Variants in CALN1 observed in about 807,000 individuals in gnomAD.
CALN1 encodes the protein calneuron 1, also known as calcium-binding protein 8.
CALN1 carries 17 observed loss-of-function variants against 30.6 expected under a neutral mutation model. That is an observed-to-expected ratio of 0.56 (90% confidence interval 0.38 to 0.83). The LOEUF is 0.83. Ranked by LOEUF, CALN1 falls within the 40% of genes least tolerant of loss-of-function variation. The pLI is 0.00. For missense variants in CALN1, 291 were observed against 354.9 expected, an observed-to-expected ratio of 0.82 and a Z score of 1.45; for synonymous variants, 156 against 131.4, an observed-to-expected ratio of 1.19 and a Z score of -1.28.
intron 3 of CALN1, among the ~76,000 whole-genome samples, chr7:72,132,347 T>C (rs1210995955): frequency 6.6e-6 from 1 of 152,156 alleles, no homozygotes; most frequent in African/African-American, 2.4e-5. Flanking sequence ...ATTTCTGCAA[T>C]ACCGTACTGA....
chr7:72,459,458 C>A, the CALN1 span, among the ~76,000 whole-genome samples: 1 of 152,056 alleles, frequency 6.6e-6, no homozygotes, highest in Non-Finnish European at 1.5e-5. Flanking sequence ...CACTGCATAT[C>A]TGCCTGCAGA....
chr7:71,790,122 GAAGAAAGAAGA>G (rs1793235803), intron 6 of CALN1, among the ~76,000 whole-genome samples: 2 of 64,168 alleles, frequency 3.1e-5, no homozygotes, highest in Admixed American at 1.5e-4. Context: ...GAGAGAGAGA[GAAGAAAGAAGA>G]AAGAAGAAAG....
chr7:72,346,403 C>A (rs1174352438), intron 2 of CALN1, among the ~76,000 whole-genome samples: 1 of 152,158 alleles, frequency 6.6e-6, no homozygotes, highest in Non-Finnish European at 1.5e-5. Context: ...AAACACCTAA[C>A]TGAAGGATGA....
chr7:71,940,667 G>A (rs890343417), intron 5 of CALN1, among the ~76,000 whole-genome samples: 1 of 152,118 alleles, frequency 6.6e-6, no homozygotes, highest in Non-Finnish European at 1.5e-5. Context: ...GTAGTGGCAT[G>A]ATCTCAGCTC....
At chr7:71,802,617 C>T (rs1368011159) in intron 6 of CALN1, among the ~76,000 whole-genome samples, 1 of 152,228 alleles carries the variant, frequency 6.6e-6, no homozygotes, top group African/African-American at 2.4e-5. Flanking sequence ...CATGCGCCAC[C>T]ATGCCTGGCT....
At chr7:72,273,065 C>A (rs376938982) in intron 3 of CALN1, among the ~76,000 whole-genome samples, 2 of 151,792 alleles carry the variant, frequency 1.3e-5, no homozygotes, top group African/African-American at 4.8e-5. Flanking sequence ...CACCTCTGCC[C>A]AGAGCCATGG....
At chr7:72,452,080 G>C (rs1167219799), upstream of CALN1, among the ~76,000 whole-genome samples, 1 of 152,216 alleles carries the variant, frequency 6.6e-6, no homozygotes, top group Non-Finnish European at 1.5e-5. Flanking sequence ...CACAGCAAAA[G>C]ACTATGGATA....
At chr7:72,027,730 C>A (rs7789740) in intron 4 of CALN1, among the ~76,000 whole-genome samples, 38 of 108,878 alleles carry the variant, frequency 3.5e-4, no homozygotes, top group East Asian at 8.2e-4. Flanking sequence ...CAAACAAACA[C>A]ACACACACAC....
chr7:72,058,722 T>G (rs1206243167), intron 4 of CALN1, among the ~76,000 whole-genome samples: 1 of 152,096 alleles, frequency 6.6e-6, no homozygotes, highest in East Asian at 1.9e-4. Context: ...TGAACTGAAA[T>G]AGTGGAGAAG....
At chr7:72,311,493 T>C (rs1045887793) in intron 2 of CALN1, among the ~76,000 whole-genome samples, 1 of 151,912 alleles carries the variant, frequency 6.6e-6, no homozygotes, top group Non-Finnish European at 1.5e-5. Context: ...TGTGTGTGTG[T>C]GTGTAAGACA....
intron 3 of CALN1, among the ~76,000 whole-genome samples, chr7:72,220,173 A>G (rs1280084191): frequency 7.0e-6 from 1 of 142,112 alleles, no homozygotes; most frequent in African/African-American, 2.6e-5. Flanking sequence ...GTATATCTCC[A>G]AATGCTATCC....
intron 5 of CALN1, among the ~76,000 whole-genome samples, chr7:71,964,787 A>G (rs1207539712): frequency 2.0e-5 from 3 of 152,194 alleles, no homozygotes; most frequent in South Asian, 2.1e-4. Flanking sequence ...TGTATAAATG[A>G]TAAGTCTGGG....
chr7:71,908,798 A>G (rs1794273842), intron 5 of CALN1, among the ~76,000 whole-genome samples: 4 of 152,148 alleles, frequency 2.6e-5, no homozygotes. Context: ...GGACAAAGCC[A>G]AGTCAATGTG....
chr7:72,105,240 C>T (rs1358846692), intron 4 of CALN1, among the ~76,000 whole-genome samples: 1 of 152,182 alleles, frequency 6.6e-6, no homozygotes, highest in Non-Finnish European at 1.5e-5. Context: ...GCCTTAGCTG[C>T]ACTCTTAACT....
chr7:72,383,564 G>C (rs148668429), intron 2 of CALN1, among the ~76,000 whole-genome samples: 2 of 152,278 alleles, frequency 1.3e-5, no homozygotes, highest in East Asian at 3.9e-4. Flanking sequence ...CCAGAGAGCA[G>C]GCCCTATGGG....
chr7:72,056,045 AC>A (rs1803238433), intron 4 of CALN1, among the ~76,000 whole-genome samples: 1 of 152,136 alleles, frequency 6.6e-6, no homozygotes, highest in Admixed American at 6.6e-5. Context: ...GACATTTAGG[AC>A]CCATATGAAG....
chr7:71,790,545 A>T (rs188684658), intron 6 of CALN1, among the ~76,000 whole-genome samples: 13 of 152,222 alleles, frequency 8.5e-5, no homozygotes, highest in African/African-American at 2.9e-4. Context: ...TTTCCTCTAC[A>T]CTTTCTCCCT....
At chr7:72,221,306 T>C (rs946102114) in intron 3 of CALN1, among the ~76,000 whole-genome samples, 3 of 145,372 alleles carry the variant, frequency 2.1e-5, no homozygotes, top group African/African-American at 7.6e-5. Context: ...ACACAAGTCT[T>C]GGCTTCTTTT....
At chr7:71,991,198 C>T (rs756668083) in intron 5 of CALN1, among the ~76,000 whole-genome samples, 33 of 152,152 alleles carry the variant, frequency 2.2e-4, no homozygotes, top group Non-Finnish European at 4.0e-4. Context: ...TTGGCTCACA[C>T]CTGTAATCCC....
Sources: allele counts gnomAD v4.1 joint callset (sites outside exome capture counted in the v4.1 genomes callset), GRCh38; gene constraint gnomAD v4.1.1; transcripts MANE v1.5; gene names NCBI Gene and HGNC (gene_info 2026-07-23, HGNC 2026-07-21).